Variants in GSE1 observed in about 807,000 individuals in gnomAD.
The protein encoded by GSE1 is Gse1 coiled-coil protein.
In GSE1, 32 loss-of-function variants were observed where a neutral mutation model predicts 112.6. The ratio of observed to expected loss-of-function variants is 0.28; its 90% CI spans 0.21 to 0.38. The LOEUF is 0.38. GSE1 is among the 10% of genes least tolerant of loss of function. GSE1 has a pLI of 1.00. For synonymous variants in GSE1, 1,115 were observed against 735.6 expected (o/e 1.52, Z -8.35); for missense variants, 2,348 against 1,699.2 (o/e 1.38, Z -6.71).
At chr16:85,488,148 G>A (rs1195311534) in intron 2 of GSE1, among the ~76,000 whole-genome samples, 1 of 152,192 alleles carries the variant, frequency 6.6e-6, no homozygotes, top group East Asian at 1.9e-4. Flanking sequence ...CCCGAGTGAT[G>A]GGGTTGGCTT....
intron 1 of GSE1, among the ~76,000 whole-genome samples, chr16:85,318,151 C>T (rs1243827045): frequency 2.0e-5 from 3 of 152,206 alleles, no homozygotes; most frequent in East Asian, 1.9e-4. Context: ...CGGTGCCCAC[C>T]GCCAGGCCCC....
chr16:85,527,589 G>A (rs2052403877), intron 2 of GSE1, among the ~76,000 whole-genome samples: 2 of 152,264 alleles, frequency 1.3e-5, no homozygotes, highest in African/African-American at 2.4e-5. Flanking sequence ...GCCCCGGGAG[G>A]GGCTTGCAGC....
At chr16:85,650,557 C>A (rs901128873) in intron 3 of GSE1, among the ~76,000 whole-genome samples, 1 of 152,222 alleles carries the variant, frequency 6.6e-6, no homozygotes, top group African/African-American at 2.4e-5. Flanking sequence ...TGAGCTGGTC[C>A]CTCCTCGGAG....
Position 85,373,963 on chromosome 16 carries a change from G to A in GSE1, c.2464+16320G>A, listed in dbSNP as rs2047357459. 2.0e-5 allele frequency among the ~76,000 whole-genome samples: 3 copies of A among 152,214 alleles called. No homozygotes were observed. The highest frequency in any genetic ancestry group is 1.9e-4 in the East Asian group (1 of 5,198). ...TCAGGTCAGCGGCGCCTTATCCATC[G>A]CCCCACGGTGGCTGCATGTGCGTAT... On this transcript the variant is annotated intron_variant, in intron 2 of 2. Coordinates refer to the GSE1 transcript ENST00000637419. This position sits in a 1 kb window ranked among gnomAD's most constrained non-coding sequence, Gnocchi z 5.1.
At chr16:85,664,338 C>A (rs1176674220) in intron 11 of GSE1, among the ~76,000 whole-genome samples, 2 of 152,230 alleles carry the variant, frequency 1.3e-5, no homozygotes, top group Non-Finnish European at 2.9e-5. Context: ...CTTCTTGGAC[C>A]TTGAGCAGCT....
intron 1 of GSE1, among the ~76,000 whole-genome samples, chr16:85,559,230 T>C (rs1485319639): frequency 1.3e-5 from 2 of 152,038 alleles, no homozygotes; most frequent in Non-Finnish European, 2.9e-5. Context: ...TCACTTCCTC[T>C]CTCTGAGGTA....
rs376533187 is a variant in GSE1, at chr16:85,357,775, G to A, written c.2464+132G>A. 1.2e-4 allele frequency: 51 copies of A among 431,652 alleles called. No homozygotes were observed. The East Asian group carries it at 2.6e-3, about 22-fold the overall frequency. 26.7% of individuals were successfully genotyped at this position (431,652 alleles called of 1,614,324 possible). A position where few individuals can be genotyped will look rare whatever the true frequency, so the allele number is the denominator to read the frequency against. ...TCCTCGGCATCCTAGGGGAGAGACC[G>A]GGTGCTGGGTCTCCCTTACTGGAGT... On this transcript the variant is annotated intron_variant, in intron 2 of 2. Coordinates refer to the GSE1 transcript ENST00000637419.
chr16:85,567,918 C>T (rs1193011284), intron 1 of GSE1, among the ~76,000 whole-genome samples: 6 of 151,986 alleles, frequency 3.9e-5, no homozygotes, highest in African/African-American at 1.4e-4. Context: ...GAGACAGAGT[C>T]TTCTTATGTT....
At chr16:85,638,451 G>T (rs368268540) in intron 2 of GSE1, among the ~76,000 whole-genome samples, 2 of 152,210 alleles carry the variant, frequency 1.3e-5, no homozygotes, top group African/African-American at 4.8e-5. Context: ...AGACGCTTGC[G>T]AATCGCCGAT....
At chr16:85,180,202 A>G (rs2074553483) in intron 1 of GSE1, among the ~76,000 whole-genome samples, 1 of 152,112 alleles carries the variant, frequency 6.6e-6, no homozygotes, top group Non-Finnish European at 1.5e-5. Flanking sequence ...TTCCCGCGAG[A>G]GGTGCAGAAC....
In GSE1 at chr16:85,574,516, C is replaced by A. The variant is rs76953771; in HGVS notation, c.37+18153C>A. Among the ~76,000 whole-genome samples, 697 of 152,328 alleles carry A rather than the reference C, an allele frequency of 4.6e-3. 3 individuals are homozygous for A. Among genetic ancestry groups the A allele is most frequent in the African/African-American group, 0.016 (654 of 41,570 alleles). On this transcript the variant is annotated intron_variant, in intron 1 of 2. Coordinates refer to the GSE1 transcript ENST00000635906. ...GCGAAGTTGTCCCTTCCGCCTCGGA[C>A]GAGGCCCCGGGGTCAGAAAGCTACA... is the stretch of plus-strand genomic sequence containing the variant.
intron 1 of GSE1, among the ~76,000 whole-genome samples, chr16:85,322,616 T>A (rs1472191159): frequency 1.4e-5 from 1 of 70,070 alleles, no homozygotes. Context: ...CCATTTTGCT[T>A]TTTTTTTTTT....
intron 1 of GSE1, chr16:85,595,769 C>T (rs1045932821): frequency 1.3e-5 from 2 of 150,776 alleles, no homozygotes; most frequent in African/African-American, 4.9e-5. Context: ...TCCACCCAAC[C>T]ATCTATCCAT....
At chr16:85,355,837 A>G (rs980785585) in intron 1 of GSE1, among the ~76,000 whole-genome samples, 1 of 152,172 alleles carries the variant, frequency 6.6e-6, no homozygotes, top group Non-Finnish European at 1.5e-5. Flanking sequence ...TCTGGCCAAC[A>G]TAGTGAAACC....
At chr16:85,227,999 CAGGGCCTGG>C (rs1351826856) in intron 1 of GSE1, among the ~76,000 whole-genome samples, 1 of 151,378 alleles carries the variant, frequency 6.6e-6, no homozygotes, top group Non-Finnish European at 1.5e-5. Context: ...TGGTGGGGAG[CAGGGCCTGG>C]GAGGGCTGGG....
At chr16:85,355,852 C>T (rs1353880221) in intron 1 of GSE1, among the ~76,000 whole-genome samples, 6 of 152,072 alleles carry the variant, frequency 3.9e-5, no homozygotes, top group Non-Finnish European at 7.4e-5. Context: ...GAAACCCCAT[C>T]TCTACTAAAG....
intron 2 of GSE1, among the ~76,000 whole-genome samples, chr16:85,453,310 G>A (rs573777260): frequency 9.2e-5 from 14 of 152,238 alleles, no homozygotes; most frequent in African/African-American, 2.9e-4. Context: ...CCTTCCCTCC[G>A]CGGAGGCTGG....
At chr16:85,215,821 A>G (rs1244826611) in intron 1 of GSE1, among the ~76,000 whole-genome samples, 2 of 151,296 alleles carry the variant, frequency 1.3e-5, no homozygotes, top group African/African-American at 2.4e-5. Context: ...CTAGGACTCA[A>G]CTCTCCCCTT....
At chr16:85,374,899 G>A (rs1302313694) in intron 2 of GSE1, among the ~76,000 whole-genome samples, 2 of 152,210 alleles carry the variant, frequency 1.3e-5, no homozygotes, top group Non-Finnish European at 2.9e-5. Context: ...TCCTCCTGGT[G>A]ATGGTGACAT....
Sources: allele counts gnomAD v4.1 joint callset (sites outside exome capture counted in the v4.1 genomes callset), GRCh38; gene constraint gnomAD v4.1.1; non-coding constraint Gnocchi (gnomAD v3.1); transcripts MANE v1.5; gene names NCBI Gene and HGNC (gene_info 2026-07-23, HGNC 2026-07-21).